The following EYA3 variants were observed in gnomAD, a reference collection of about 807,000 sequenced individuals.
EYA3 encodes protein phosphatase EYA3.
In EYA3, 39 loss-of-function variants were observed where a neutral mutation model predicts 80.0. The ratio of observed to expected loss-of-function variants is 0.49; its 90% CI spans 0.38 to 0.64. The LOEUF (loss-of-function observed/expected upper bound fraction) is 0.64. Among genes scored for constraint, EYA3 ranks in the 30% least tolerant of loss-of-function variants. The pLI is 0.00. For synonymous variants in EYA3, 206 were observed against 232.8 expected, an observed-to-expected ratio of 0.88 and a Z score of 1.05; for missense variants, 523 against 676.1, an observed-to-expected ratio of 0.77 and a Z score of 2.51.
At chr1:27,986,806 G>C (rs1447301302) in intron 16 of EYA3, among the ~76,000 whole-genome samples, 1 of 151,872 alleles carries the variant, frequency 6.6e-6, no homozygotes, top group Non-Finnish European at 1.5e-5. Context: ...AGGTTCAAGG[G>C]ATTCTCCTGC....
rs1485802655 is a variant in EYA3, at chr1:28,013,932, AC to A, written c.586-639del. On this transcript the variant is annotated intron_variant, in intron 8 of 17. Transcript: ENST00000373871. The surrounding 1 kb of genome is among the most constrained non-coding windows in gnomAD (Gnocchi z 4.0). ...ACAAAAATTAGCCTGGCGTGGTGGC[AC>A]ATGCCTGAAATCCCAGCTACTTGGG... 6.6e-6 allele frequency among the ~76,000 whole-genome samples: 1 copy of A among 152,070 alleles called. No homozygotes were observed. The highest frequency in any genetic ancestry group is 1.5e-5 in the Non-Finnish European group (1 of 68,004).
intron 1 of EYA3, among the ~76,000 whole-genome samples, chr1:28,068,256 C>T (rs913310862): frequency 6.0e-5 from 9 of 150,808 alleles, no homozygotes; most frequent in Non-Finnish European, 8.8e-5. Context: ...CGCTTGAACC[C>T]GGGAGGTGGA....
intron 4 of EYA3, among the ~76,000 whole-genome samples, chr1:28,039,396 C>T (rs1643646393): frequency 6.6e-6 from 1 of 152,178 alleles, no homozygotes; most frequent in Non-Finnish European, 1.5e-5. Context: ...TATGCATAAT[C>T]AACAGCAGAA....
At chr1:28,005,783 A>G (rs1430661109) in intron 10 of EYA3, among the ~76,000 whole-genome samples, 1 of 152,106 alleles carries the variant, frequency 6.6e-6, no homozygotes, top group Non-Finnish European at 1.5e-5. Context: ...AAATAGAGGT[A>G]AACCAAATTC....
intron 7 of EYA3, among the ~76,000 whole-genome samples, chr1:28,019,940 G>A (rs1418956291): frequency 6.6e-6 from 1 of 151,970 alleles, no homozygotes; most frequent in African/African-American, 2.4e-5. Flanking sequence ...GACCTCAGGT[G>A]ATCCACCCAC....
At chr1:28,071,201 G>A (rs1244187937) in intron 1 of EYA3, among the ~76,000 whole-genome samples, 1 of 152,174 alleles carries the variant, frequency 6.6e-6, no homozygotes, top group African/African-American at 2.4e-5. Flanking sequence ...TGGGATTACA[G>A]GCGTGAGCCA....
In EYA3 at chr1:28,059,782, G is replaced by A. The variant is rs184802784; in HGVS notation, c.-68-1688C>T. Among the ~76,000 whole-genome samples the A allele has an allele frequency of 1.3e-3, 199 of 147,882 alleles. 1 individual carries two copies. Among genetic ancestry groups the A allele is most frequent in the African/African-American group, 4.7e-3 (190 of 40,052 alleles). On this transcript the variant is annotated intron_variant, in intron 1 of 17. Coordinates refer to ENST00000373871, the MANE Select transcript of EYA3 (RefSeq NM_001990.4). ...GTCACCCAGGCTGGAGTGCAGTGGCGCAATCTCGGCTAACTGCAACCTCCG... is the reference window on the plus strand; with the variant it reads ...GTCACCCAGGCTGGAGTGCAGTGGCACAATCTCGGCTAACTGCAACCTCCG...
intron 1 of EYA3, among the ~76,000 whole-genome samples, chr1:28,070,975 T>C (rs144687840): frequency 9.2e-5 from 14 of 152,284 alleles, no homozygotes; most frequent in African/African-American, 3.1e-4. Flanking sequence ...CAGGCTGGAG[T>C]GCAATGGCGC....
intron 4 of EYA3, among the ~76,000 whole-genome samples, chr1:28,041,385 C>T (rs1200958628): frequency 6.6e-6 from 1 of 150,620 alleles, no homozygotes; most frequent in Non-Finnish European, 1.5e-5. Context: ...AAACAAACAA[C>T]AACAAAAAAA....
At chr1:28,040,938 G>A (rs913982294) in intron 4 of EYA3, among the ~76,000 whole-genome samples, 38 of 152,192 alleles carry the variant, frequency 2.5e-4, no homozygotes, top group Middle Eastern at 3.2e-3. Flanking sequence ...AGGGAAGACC[G>A]TGATGACACA....
At chr1:28,051,667 A>G (rs1431785915) in intron 2 of EYA3, among the ~76,000 whole-genome samples, 1 of 152,210 alleles carries the variant, frequency 6.6e-6, no homozygotes, top group Non-Finnish European at 1.5e-5. Context: ...AGCCTGGGTG[A>G]CAAGGCAAGA....
At chr1:28,002,521 C>T (rs1004527194) in intron 11 of EYA3, among the ~76,000 whole-genome samples, 7 of 151,842 alleles carry the variant, frequency 4.6e-5, no homozygotes, top group Non-Finnish European at 1.0e-4. Flanking sequence ...GTAGAAAATA[C>T]TAACAGAGGC....
At chr1:27,999,493 T>C (rs946974553) in intron 12 of EYA3, among the ~76,000 whole-genome samples, 1 of 152,162 alleles carries the variant, frequency 6.6e-6, no homozygotes, top group African/African-American at 2.4e-5. Context: ...ACAACAAATA[T>C]GTATAAAATA....
intron 1 of EYA3, among the ~76,000 whole-genome samples, chr1:28,081,145 T>A (rs913558467): frequency 1.1e-4 from 17 of 151,736 alleles, no homozygotes; most frequent in South Asian, 8.3e-4. Flanking sequence ...CTTCCAAAAA[T>A]TTTTTTTTGC....
intron 6 of EYA3, among the ~76,000 whole-genome samples, chr1:28,032,704 C>T (rs1429750261): frequency 6.6e-6 from 1 of 152,166 alleles, no homozygotes; most frequent in African/African-American, 2.4e-5. Context: ...CATTTGTATA[C>T]AGCTCTGGGA....
intron 3 of EYA3, 56 bp downstream of exon 3, chr1:28,048,327 A>G: frequency 7.4e-7 from 1 of 1,359,470 alleles, no homozygotes. Flanking sequence ...CAGCATGTGA[A>G]AAAAAAAAAC....
intron 1 of EYA3, among the ~76,000 whole-genome samples, chr1:28,070,288 C>T (rs1382005920): frequency 6.6e-6 from 1 of 151,884 alleles, no homozygotes; most frequent in Non-Finnish European, 1.5e-5. Context: ...GGGCCGGGTG[C>T]GGTGGCTCAC....
chr1:28,027,798 G>T lies in EYA3; in HGVS notation c.490C>A (p.Pro164Thr). Reference sequence around the variant, plus strand: ...AACCATGCCTATTTACCTTGAATGGGATAAGAATAATGTGCTGGGCTTGGC... The same window carrying T: ...AACCATGCCTATTTACCTTGAATGGTATAAGAATAATGTGCTGGGCTTGGC... ...SQPSPAHYSY[P>T]IQASSTNASL... The change falls in exon 7 of 18, where the codon CCC becomes ACC. Residue 164 changes from proline (P) to threonine (T), a missense_variant. Physicochemically the swap from Pro to Thr is conservative, Grantham distance 38. Coordinates refer to ENST00000373871, the MANE Select transcript of EYA3 (RefSeq NM_001990.4). The T allele has an allele frequency of 6.2e-7, 1 of 1,614,134 alleles. No homozygotes were observed. Among genetic ancestry groups the T allele is most frequent in the Non-Finnish European group, 8.5e-7 (1 of 1,180,004 alleles).
intron 10 of EYA3, among the ~76,000 whole-genome samples, chr1:28,007,605 T>C (rs1238558170): frequency 6.6e-6 from 1 of 152,174 alleles, no homozygotes; most frequent in East Asian, 1.9e-4. Flanking sequence ...AGTGCTGGGA[T>C]TACAGACTGA....
Sources: allele counts gnomAD v4.1 joint callset (sites outside exome capture counted in the v4.1 genomes callset), GRCh38; gene constraint gnomAD v4.1.1; non-coding constraint Gnocchi (gnomAD v3.1); transcripts MANE v1.5; gene names NCBI Gene and HGNC (gene_info 2026-07-23, HGNC 2026-07-21).